ARHGAP6: variants seen among roughly 807,000 people sequenced by gnomAD.
ARHGAP6 encodes Rho GTPase activating protein 6.
A neutral mutation model predicts 55.7 loss-of-function variants in ARHGAP6; 16 were observed. That is an observed-to-expected ratio of 0.29 (90% CI 0.19 to 0.44). The LOEUF (loss-of-function observed/expected upper bound fraction) is 0.44, where lower values mean the gene tolerates loss of function less well. ARHGAP6 is among the 20% of genes least tolerant of loss of function. The probability of loss-of-function intolerance (pLI) is 1.00; values close to 1 mark genes in which losing one functional copy is unlikely to be tolerated. For missense variants in ARHGAP6, 698 were observed against 808.9 expected, an observed-to-expected ratio of 0.86 and a Z score of 1.66; for synonymous variants, 382 against 360.9, an observed-to-expected ratio of 1.06 and a Z score of -0.66.
At chrX:11,169,819 T>G (rs900734820) in intron 8 of ARHGAP6, 135 bp from the exon 9 acceptor site, 1 of 439,118 alleles carries the variant, frequency 2.3e-6, no homozygotes, top group African/African-American at 2.6e-5. Flanking sequence ...TCTGTCAGAA[T>G]CCATGGAGGG....
At chrX:11,387,692 A>G (rs2049346681) in intron 1 of ARHGAP6, among the ~76,000 whole-genome samples, 1 of 110,953 alleles carries the variant, frequency 9.0e-6, no homozygotes, top group South Asian at 3.8e-4. Context: ...TCCTAATGCT[A>G]TCCCTCCCCG....
At chrX:11,185,552 C>A (rs1351741472) in intron 5 of ARHGAP6, among the ~76,000 whole-genome samples, 1 of 111,675 alleles carries the variant, frequency 9.0e-6, no homozygotes, top group Non-Finnish European at 1.9e-5. Context: ...TTAAGCTTTT[C>A]CCATGTATAT....
At chrX:11,342,331 G>A (rs1418149691) in intron 1 of ARHGAP6, among the ~76,000 whole-genome samples, 1 of 111,840 alleles carries the variant, frequency 8.9e-6, no homozygotes, top group Non-Finnish European at 1.9e-5. Context: ...GAAAGGCTTA[G>A]TTCTTGGAAA....
chrX:11,279,062 C>T (rs1382495695), intron 1 of ARHGAP6, among the ~76,000 whole-genome samples: 6 of 111,397 alleles, frequency 5.4e-5, no homozygotes, highest in African/African-American at 2.0e-4. Flanking sequence ...CTTGCTGTAT[C>T]TGCATCACAG....
At chrX:11,543,457 A>G (rs1050506739) in intron 1 of ARHGAP6, among the ~76,000 whole-genome samples, 1 of 112,516 alleles carries the variant, frequency 8.9e-6, no homozygotes, top group Non-Finnish European at 1.9e-5. Context: ...TAGTGGTTGG[A>G]GGCCATGGAT....
chrX:11,580,972 A>T (rs1420506991), intron 1 of ARHGAP6, among the ~76,000 whole-genome samples: 1 of 112,287 alleles, frequency 8.9e-6, no homozygotes, highest in African/African-American at 3.2e-5. Context: ...TCCCCAAGGG[A>T]CCTAAGTGAA....
chrX:11,569,412 TG>T (rs1234173123), intron 1 of ARHGAP6, among the ~76,000 whole-genome samples: 3 of 111,805 alleles, frequency 2.7e-5, no homozygotes, highest in Non-Finnish European at 5.6e-5. Flanking sequence ...GAGGATGTCA[TG>T]GGTGGCTAGT....
At chrX:11,208,641 G>T (rs1236780585) in intron 2 of ARHGAP6, among the ~76,000 whole-genome samples, 1 of 111,939 alleles carries the variant, frequency 8.9e-6, no homozygotes, top group African/African-American at 3.3e-5. Flanking sequence ...TTTACCTGGA[G>T]CTTTGAGTTA....
chrX:11,172,081 G>C (rs758094388), intron 8 of ARHGAP6, among the ~76,000 whole-genome samples: 1 of 111,192 alleles, frequency 9.0e-6, no homozygotes, highest in Non-Finnish European at 1.9e-5. Context: ...ATAGAATTCA[G>C]GAGTCCCAAT....
At chrX:11,552,561 T>TATATATAC (rs1411455221) in intron 1 of ARHGAP6, among the ~76,000 whole-genome samples, 3 of 40,224 alleles carry the variant, frequency 7.5e-5, no homozygotes, top group African/African-American at 3.2e-4. Context: ...GTGCCATATA[T>TATATATAC]ATATATATAT....
chrX:11,350,091 C>G (rs1854219866), intron 1 of ARHGAP6, among the ~76,000 whole-genome samples: 1 of 111,857 alleles, frequency 8.9e-6, no homozygotes, highest in African/African-American at 3.3e-5. Flanking sequence ...TTGCCATCAC[C>G]AACAGTAGCC....
At chrX:11,572,170 GTTTC>G (rs1347028394) in intron 1 of ARHGAP6, among the ~76,000 whole-genome samples, 1 of 110,938 alleles carries the variant, frequency 9.0e-6, no homozygotes, top group African/African-American at 3.3e-5. Flanking sequence ...GGGTAATGAG[GTTTC>G]TTTTTTTTAT....
chrX:11,233,648 T>C (rs147287725), intron 2 of ARHGAP6, among the ~76,000 whole-genome samples: 144 of 112,105 alleles, frequency 1.3e-3, no homozygotes, highest in African/African-American at 4.3e-3. Flanking sequence ...AAGCATAACG[T>C]TGCCATTTTT....
At chrX:11,340,524 T>C (rs954722799) in intron 1 of ARHGAP6, among the ~76,000 whole-genome samples, 2 of 111,213 alleles carry the variant, frequency 1.8e-5, no homozygotes, top group East Asian at 2.8e-4. Context: ...GGTCAGGAGA[T>C]GGAGACCATC....
chrX:11,261,209 C>G (rs1188349138), intron 1 of ARHGAP6, among the ~76,000 whole-genome samples: 1 of 111,519 alleles, frequency 9.0e-6, no homozygotes, highest in East Asian at 2.8e-4. Flanking sequence ...AAAACCCATG[C>G]CAGTACATGA....
intron 1 of ARHGAP6, among the ~76,000 whole-genome samples, chrX:11,507,848 G>A (rs1569372030): frequency 8.9e-6 from 1 of 111,971 alleles, no homozygotes; most frequent in Non-Finnish European, 1.9e-5. Context: ...TAGAACTTTG[G>A]CCAGCAGCCT....
At position 11,143,990 on chromosome X, in the gene ARHGAP6, C is replaced by A; in HGVS notation, c.2166G>T (p.Arg722Ser). The change falls in exon 11 of 13, where the codon AGG becomes AGT. Residue 722 changes from arginine (R) to serine (S), a missense_variant. Around this residue, in one of 3 missense-constraint regions of ARHGAP6, gnomAD observed 322 missense variants for 451.1 expected, o/e 0.71. Transcript: ENST00000337414. ...CCAGGCTCCAGTTACCTTTCCCAAG[C>A]CTTGGTCCAGGAGAACTTTCCCTTG... ...SKSRESSPGP[R>S]LGKDLSEEPF... The A allele has an allele frequency of 8.3e-7, 1 of 1,212,106 alleles. No homozygotes were observed. The highest frequency in any genetic ancestry group is 1.1e-6 in the Non-Finnish European group (1 of 895,604).
chrX:11,358,214 C>T (rs1425089171), intron 1 of ARHGAP6, among the ~76,000 whole-genome samples: 2 of 111,867 alleles, frequency 1.8e-5, no homozygotes, highest in African/African-American at 6.5e-5. Flanking sequence ...CAGGAATCAT[C>T]CCTTTTGTGG....
At chrX:11,450,618 G>A (rs754188571) in intron 1 of ARHGAP6, among the ~76,000 whole-genome samples, 5 of 111,294 alleles carry the variant, frequency 4.5e-5, no homozygotes, top group African/African-American at 6.5e-5. Context: ...GAAGAAATCC[G>A]TTTTACAGCA....
Sources: gnomAD v4.1 joint callset for allele counts (sites outside exome capture counted in the v4.1 genomes callset) on GRCh38, gnomAD v4.1.1 for gene constraint, gnomAD v4.1.1 regional missense constraint, MANE v1.5 for transcripts, NCBI Gene and HGNC (gene_info 2026-07-23, HGNC 2026-07-21) for gene names.